The following DHX8 variants were observed in gnomAD, a reference collection of about 807,000 sequenced individuals.
The protein encoded by DHX8 is DEAH-box helicase 8.
In DHX8, 67 loss-of-function variants were observed where a neutral mutation model predicts 140.7. The observed-to-expected ratio is 0.48, with a 90% CI of 0.39 to 0.58. The LOEUF is 0.58. DHX8 is among the 20% of genes least tolerant of loss of function. DHX8 has a pLI of 0.00. For missense variants in DHX8, 887 were observed against 1,550.7 expected, an observed-to-expected ratio of 0.57 and a Z score of 7.19; for synonymous variants, 533 against 553.2, an observed-to-expected ratio of 0.96 and a Z score of 0.51.
chr17:43,491,707 A>G (rs1008706791), intron 4 of DHX8, among the ~76,000 whole-genome samples: 3 of 152,166 alleles, frequency 2.0e-5, no homozygotes, highest in Admixed American at 2.0e-4. Context: ...ATTATATCCT[A>G]ATTTTGGGGT....
downstream of DHX8, chr17:43,525,943 G>A: frequency 1.0e-6 from 1 of 985,442 alleles, no homozygotes; most frequent in Non-Finnish European, 1.2e-6. Flanking sequence ...ATAAGAGACA[G>A]CAGGGTTCGT....
chr17:43,485,792 A>G (rs1968105469), intron 1 of DHX8, among the ~76,000 whole-genome samples: 1 of 152,260 alleles, frequency 6.6e-6, no homozygotes, highest in Non-Finnish European at 1.5e-5. Context: ...CGAAGTATAA[A>G]CTTCATAATC....
At chr17:43,501,286 G>A (rs997495906) in intron 11 of DHX8, among the ~76,000 whole-genome samples, 2 of 152,120 alleles carry the variant, frequency 1.3e-5, no homozygotes, top group Admixed American at 1.3e-4. Context: ...GTATGTTCCA[G>A]CCTGAGGAGT....
chr17:43,535,721 C>T (rs1374835903), intron 2 of DHX8, among the ~76,000 whole-genome samples: 1 of 152,186 alleles, frequency 6.6e-6, no homozygotes, highest in Non-Finnish European at 1.5e-5. Context: ...ACCAGTAGCA[C>T]CCCACCCTCA....
chr17:43,536,749 A>G (rs1166391474), intron 3 of DHX8, among the ~76,000 whole-genome samples: 2 of 152,270 alleles, frequency 1.3e-5, no homozygotes, highest in East Asian at 3.8e-4. Context: ...CCTGGGCCGC[A>G]TTCAAAGCTA....
At chr17:43,518,631 A>G (rs1179794130) in intron 18 of DHX8, 4 of 152,200 alleles carry the variant, frequency 2.6e-5, no homozygotes. Flanking sequence ...TAAGCTTTTT[A>G]AAGTATACAA....
chr17:43,508,723 C>G (rs543930346), intron 16 of DHX8, among the ~76,000 whole-genome samples: 48 of 151,848 alleles, frequency 3.2e-4, no homozygotes, highest in African/African-American at 1.1e-3. Flanking sequence ...GGGTTCACGC[C>G]ATTCTCCTGC....
rs2154586901 is a variant in DHX8, at chr17:43,521,524, G to C, written c.3222G>C (p.Arg1074=). ...ENFIQARSLR[R]AQDIRKQMLG... is the part of the protein sequence containing the mutation. ...TTATCCAGGCTCGTTCCCTGCGCCG[G>C]GCCCAGGACATTCGCAAGCAGATGT... The change falls in exon 21 of 23, where the codon CGG becomes CGC. Residue 1074 remains arginine (R), a synonymous_variant. Transcript: ENST00000262415. 1 of 1,613,510 alleles carries C rather than the reference G, an allele frequency of 6.2e-7. No homozygotes were observed. Among genetic ancestry groups the C allele is most frequent in the Non-Finnish European group, 8.5e-7 (1 of 1,179,774 alleles).
Position 43,524,017 on chromosome 17 carries a change from A to G in DHX8, c.*170A>G. The G allele has an allele frequency of 7.0e-7, 1 of 1,436,350 alleles. No homozygotes were observed. Among genetic ancestry groups the G allele is most frequent in the Non-Finnish European group, 9.1e-7 (1 of 1,100,138 alleles). The allele number at this position is 1,436,350 out of a possible 1,614,324, so 89.0% of individuals were successfully genotyped here. A position where few individuals can be genotyped will look rare whatever the true frequency, so the allele number is the denominator to read the frequency against. ...GCTGGTAAAATAGAAACAGGGATTTAAACCTGGCTTTGGCAAGAGCCTGCA... is the reference window on the plus strand; with the variant it reads ...GCTGGTAAAATAGAAACAGGGATTTGAACCTGGCTTTGGCAAGAGCCTGCA... On this transcript the variant is annotated 3_prime_UTR_variant, in exon 23 of 23. Transcript: ENST00000262415.
chr17:43,532,893 G>A (rs1347289756), intron 2 of DHX8: 8 of 1,600,984 alleles, frequency 5.0e-6, no homozygotes, highest in Non-Finnish European at 6.0e-6. Context: ...CCCCCTCCCT[G>A]AGATGTGAAG....
chr17:43,501,093 C>G (rs1488299111), intron 11 of DHX8, among the ~76,000 whole-genome samples: 3 of 152,036 alleles, frequency 2.0e-5, no homozygotes, highest in Non-Finnish European at 2.9e-5. Context: ...TTATGCGCTA[C>G]AACTTAGTCG....
chr17:43,507,520 A>G lies in DHX8; in HGVS notation c.1941A>G (p.Arg647=), dbSNP rs752872764. The G allele has an allele frequency of 1.2e-6, 2 of 1,613,980 alleles. No individual in the cohort carries two copies. The highest frequency in any genetic ancestry group is 3.3e-5 in the Admixed American group (2 of 59,980). ...CLGQEVGYTI[R]FEDCTSPETV... ...TGCTTTAGGTGGGCTACACCATTCGATTTGAGGACTGCACTAGCCCTGAAA... is the reference window on the plus strand; with the variant it reads ...TGCTTTAGGTGGGCTACACCATTCGGTTTGAGGACTGCACTAGCCCTGAAA... The change falls in exon 14 of 23, where the codon CGA becomes CGG. Residue 647 remains arginine (R), a synonymous_variant. Coordinates refer to ENST00000262415, the MANE Select transcript of DHX8 (RefSeq NM_004941.3).
downstream of DHX8, chr17:43,530,457 C>A: frequency 1.5e-6 from 2 of 1,344,390 alleles, no homozygotes; most frequent in Non-Finnish European, 1.9e-6. Flanking sequence ...GCCCAAGCTG[C>A]CAGGGAGCAG....
At chr17:43,541,598 G>C (rs905457679) in intron 3 of DHX8, among the ~76,000 whole-genome samples, 20 of 152,108 alleles carry the variant, frequency 1.3e-4, no homozygotes, top group African/African-American at 3.9e-4. Flanking sequence ...AGAACTGAGA[G>C]GTTAAAACAG....
chr17:43,501,228 A>G (rs915804608), intron 11 of DHX8, among the ~76,000 whole-genome samples: 1 of 152,080 alleles, frequency 6.6e-6, no homozygotes, highest in Admixed American at 6.6e-5. Context: ...GACCCAAAGG[A>G]TAAATTGGAC....
chr17:43,517,383 A>G, intron 18 of DHX8, 61 bp downstream of exon 18: 3 of 1,546,052 alleles, frequency 1.9e-6, no homozygotes, highest in Non-Finnish European at 2.6e-6. Context: ...GCCTTCATAA[A>G]TGAATTTCAG....
chr17:43,502,616 C>T lies in DHX8; in HGVS notation c.1547-2028C>T, dbSNP rs142743090. Among the ~76,000 whole-genome samples the T allele has an allele frequency of 6.3e-3, 952 of 152,058 alleles. 19 individuals are homozygous for T. Among genetic ancestry groups the T allele is most frequent in the East Asian group, 0.05 (258 of 5,136 alleles). On this transcript the variant is annotated intron_variant, in intron 11 of 22. Coordinates refer to ENST00000262415, the MANE Select transcript of DHX8 (RefSeq NM_004941.3). Reference sequence around the variant, plus strand: ...TATTTTGCATTTTTGGTAGAGACAGCGTTTCACCATGTTGGTCAGGCTGGT... The same window carrying T: ...TATTTTGCATTTTTGGTAGAGACAGTGTTTCACCATGTTGGTCAGGCTGGT...
rs1261014200 is a variant in DHX8, at chr17:43,525,079, C to G, written c.*1232C>G. 2.0e-6 allele frequency: 2 copies of G among 985,332 alleles called. No individual in the cohort carries two copies. The highest frequency in any genetic ancestry group is 2.4e-6 in the Non-Finnish European group (2 of 829,998). The allele number at this position is 985,332 out of a possible 1,614,324, so 61.0% of individuals were successfully genotyped here. A position where few individuals can be genotyped will look rare whatever the true frequency, so the allele number is the denominator to read the frequency against. On this transcript the variant is annotated 3_prime_UTR_variant, in exon 23 of 23. Coordinates refer to ENST00000262415, the MANE Select transcript of DHX8 (RefSeq NM_004941.3). ...AAAGCGCTGGGATTACAGTTGAGAG[C>G]CACTGTCCTCTGCACTGAGGAGGCT...
intron 8 of DHX8, among the ~76,000 whole-genome samples, chr17:43,494,416 T>C (rs1968723685): frequency 6.6e-6 from 1 of 151,868 alleles, no homozygotes; most frequent in Non-Finnish European, 1.5e-5. Flanking sequence ...GTTGGTGGTG[T>C]GAGGATTAAT....
Sources: gnomAD v4.1 joint callset for allele counts (sites outside exome capture counted in the v4.1 genomes callset) on GRCh38, gnomAD v4.1.1 for gene constraint, MANE v1.5 for transcripts, NCBI Gene and HGNC (gene_info 2026-07-23, HGNC 2026-07-21) for gene names.